Variants in PKD1L1 observed in about 807,000 individuals in gnomAD.
PKD1L1 encodes polycystin 1 like 1, transient receptor potential channel interacting.
In PKD1L1, 236 loss-of-function variants were observed where a neutral mutation model predicts 323.4. The observed-to-expected ratio is 0.73, with a 90% CI of 0.66 to 0.81. PKD1L1 has a LOEUF of 0.81. PKD1L1 is among the 40% of genes least tolerant of loss of function. The pLI, the probability that PKD1L1 is intolerant of heterozygous loss-of-function variation, is 0.00. For missense variants in PKD1L1, 3,320 were observed against 3,508.0 expected, an observed-to-expected ratio of 0.95 and a Z score of 1.35; for synonymous variants, 1,344 against 1,335.0, an observed-to-expected ratio of 1.01 and a Z score of -0.15.
intron 17 of PKD1L1, among the ~76,000 whole-genome samples, chr7:47,886,831 G>C (rs559612283): frequency 6.6e-6 from 1 of 151,906 alleles, no homozygotes. Flanking sequence ...CTTTATAGCA[G>C]TGCAAGAAGG....
intron 56 of PKD1L1, among the ~76,000 whole-genome samples, chr7:47,782,866 AAAAC>A (rs1416762910): frequency 6.6e-6 from 1 of 152,244 alleles, no homozygotes; most frequent in Non-Finnish European, 1.5e-5. Context: ...TTAAGAGTGC[AAAAC>A]CAGTGGGAAC....
intron 21 of PKD1L1, among the ~76,000 whole-genome samples, chr7:47,878,466 C>T (rs1232922485): frequency 6.6e-6 from 1 of 152,186 alleles, no homozygotes; most frequent in Non-Finnish European, 1.5e-5. Flanking sequence ...CTCATCGTAA[C>T]AGCAGGTACC....
chr7:47,950,186 G>A (rs1367657269), upstream of PKD1L1, among the ~76,000 whole-genome samples: 1 of 152,148 alleles, frequency 6.6e-6, no homozygotes. Flanking sequence ...TCTAAACAGA[G>A]TCCACTGGGT....
intron 36 of PKD1L1, among the ~76,000 whole-genome samples, chr7:47,838,066 T>C (rs1396041975): frequency 6.6e-6 from 1 of 152,194 alleles, no homozygotes; most frequent in Non-Finnish European, 1.5e-5. Context: ...TTAACTATGG[T>C]TCCTCAGCCA....
chr7:47,810,436 T>G (rs1285990827), intron 50 of PKD1L1, among the ~76,000 whole-genome samples: 1 of 152,240 alleles, frequency 6.6e-6, no homozygotes. Flanking sequence ...TCACCTTGAT[T>G]ACCAAGTATT....
intron 45 of PKD1L1, 48 bp from the exon 46 acceptor site, chr7:47,821,234 G>T: frequency 4.5e-6 from 5 of 1,112,236 alleles, no homozygotes; most frequent in African/African-American, 1.6e-5. Flanking sequence ...CCTGTATGTA[G>T]GTACCTGAGT....
intron 31 of PKD1L1, among the ~76,000 whole-genome samples, chr7:47,849,576 C>T (rs1785736306): frequency 6.6e-6 from 1 of 151,996 alleles, no homozygotes; most frequent in South Asian, 2.1e-4. Context: ...ATGTAAATGG[C>T]TAAAAAATAC....
chr7:47,892,080 T>A (rs1786832674), intron 15 of PKD1L1, among the ~76,000 whole-genome samples: 1 of 152,168 alleles, frequency 6.6e-6, no homozygotes, highest in South Asian at 2.1e-4. Flanking sequence ...GGGGGATATA[T>A]CAAATAAGAG....
At chr7:47,788,664 C>G (rs947883827) in intron 56 of PKD1L1, among the ~76,000 whole-genome samples, 1 of 150,244 alleles carries the variant, frequency 6.7e-6, no homozygotes, top group African/African-American at 2.5e-5. Context: ...GGTGCAATCT[C>G]GGCTCACAGC....
intron 13 of PKD1L1, among the ~76,000 whole-genome samples, chr7:47,902,116 GC>G (rs1787104960): frequency 6.6e-6 from 1 of 152,086 alleles, no homozygotes; most frequent in Non-Finnish European, 1.5e-5. Flanking sequence ...AGTAATGCAG[GC>G]GAATAAAGAA....
chr7:47,827,740 T>C (rs1785266416), intron 44 of PKD1L1, among the ~76,000 whole-genome samples: 3 of 152,200 alleles, frequency 2.0e-5, no homozygotes, highest in Admixed American at 2.0e-4. Context: ...AGAGCTGCTG[T>C]ACACGAGGGG....
chr7:47,880,504 G>C (rs951883475), intron 21 of PKD1L1, among the ~76,000 whole-genome samples: 1 of 149,410 alleles, frequency 6.7e-6, no homozygotes, highest in East Asian at 2.0e-4. Context: ...GGATGGTCTC[G>C]ATCTCCTGAC....
At chr7:47,947,771 T>A (rs1372706072) in intron 1 of PKD1L1, among the ~76,000 whole-genome samples, 3 of 152,084 alleles carry the variant, frequency 2.0e-5, no homozygotes, top group Non-Finnish European at 1.5e-5. Context: ...ATCGAGACCA[T>A]CCTGGCTAAC....
chr7:47,960,388 A>AACAC, the PKD1L1 span, among the ~76,000 whole-genome samples: 89 of 132,382 alleles, frequency 6.7e-4, no homozygotes, highest in African/African-American at 2.3e-3. Context: ...AAAAAAAAAA[A>AACAC]AAAAAACTGT....
Position 47,803,295 on chromosome 7 carries a change from C to A in PKD1L1, c.7877G>T (p.Cys2626Phe), listed in dbSNP as rs1417514201. The A allele has an allele frequency of 6.2e-7, 1 of 1,613,994 alleles. No individual in the cohort carries two copies. The highest frequency in any genetic ancestry group is 1.7e-5 in the Admixed American group (1 of 60,004). Residue 2626 changes from cysteine (C) to phenylalanine (F), a missense_variant, in exon 53 of 57, where the codon TGC (cysteine) becomes TTC (phenylalanine). Transcript: ENST00000289672. ...GILLFLFTLK[C>F]VYLPGIQNTM... ...GTTTTGAATGCCAGGAAGATAGACG[C>A]ATTTTAATGTGAAGAGGAATAAGAG...
rs182553779 is a variant in PKD1L1 at position 47,802,793 on chromosome 7, C to T, written c.7962+417G>A. 2.6e-5 allele frequency among the ~76,000 whole-genome samples: 4 copies of T among 152,306 alleles called. No individual in the cohort carries two copies. The East Asian group carries it at 5.8e-4, about 22-fold the overall frequency. On this transcript the variant is annotated intron_variant, in intron 53 of 56. Transcript: ENST00000289672. ...GCCCTGGATGAAGACTTGGCTGTGC[C>T]CTGTTGTTTGAGACAGGAAATCCTG...
At chr7:47,869,536 T>C (rs550711074) in intron 24 of PKD1L1, among the ~76,000 whole-genome samples, 1 of 152,166 alleles carries the variant, frequency 6.6e-6, no homozygotes. Context: ...CTAATGATAA[T>C]GTAGGTAAAT....
chr7:47,821,054 A>C, intron 46 of PKD1L1, 22 bp downstream of exon 46: 1 of 1,460,244 alleles, frequency 6.8e-7, no homozygotes, highest in Non-Finnish European at 9.6e-7. Context: ...CCAGATCTGG[A>C]AGAGTTACCC....
chr7:47,857,766 G>A lies in PKD1L1; in HGVS notation c.4429C>T (p.Leu1477Phe). 4.3e-6 allele frequency: 7 copies of A among 1,614,176 alleles called. No homozygotes were observed. Among genetic ancestry groups the A allele is most frequent in the Non-Finnish European group, 5.9e-6 (7 of 1,180,028 alleles). Residue 1477 changes from leucine (L) to phenylalanine (F), a missense_variant, in exon 28 of 57, where the codon CTT (leucine) becomes TTT (phenylalanine). Physicochemically the swap from Leu to Phe is conservative, Grantham distance 22. Coordinates refer to ENST00000289672, the MANE Select transcript of PKD1L1 (RefSeq NM_138295.5). ...MEFRTLLHYN[L>F]QSSVQSLGSV... ...CCCAGGCTCTGGACAGAGCTCTGAAGGTTGTAATGAAGAAGGGTCCGGAAC... is the reference window on the plus strand; with the variant it reads ...CCCAGGCTCTGGACAGAGCTCTGAAAGTTGTAATGAAGAAGGGTCCGGAAC...
Sources: allele counts gnomAD v4.1 joint callset (sites outside exome capture counted in the v4.1 genomes callset), GRCh38; gene constraint gnomAD v4.1.1; transcripts MANE v1.5; gene names NCBI Gene and HGNC (gene_info 2026-07-23, HGNC 2026-07-21).